Variants in KALRN observed in about 807,000 individuals in gnomAD.
KALRN encodes kalirin.
Under a neutral mutation model 353.7 loss-of-function variants are expected in KALRN, and 70 were observed. The ratio of observed to expected loss-of-function variants is 0.20; its 90% CI spans 0.16 to 0.24. The LOEUF (loss-of-function observed/expected upper bound fraction) is 0.24, where lower values mean the gene tolerates loss of function less well. Ranked by LOEUF, KALRN falls within the 10% of genes least tolerant of loss-of-function variation. The pLI, the probability that KALRN is intolerant of heterozygous loss-of-function variation, is 1.00. For synonymous variants in KALRN, 1,391 were observed against 1,434.8 expected, an observed-to-expected ratio of 0.97 and a Z score of 0.69; for missense variants, 2,791 against 3,756.7, an observed-to-expected ratio of 0.74 and a Z score of 6.72.
chr3:124,351,086 C>T (rs918468398), intron 10 of KALRN, among the ~76,000 whole-genome samples: 4 of 152,058 alleles, frequency 2.6e-5, no homozygotes, highest in East Asian at 3.9e-4. Flanking sequence ...TTCTGTACAA[C>T]GTGATTGCCA....
intron 25 of KALRN, among the ~76,000 whole-genome samples, chr3:124,468,906 T>C (rs187665387): frequency 6.6e-6 from 1 of 152,334 alleles, no homozygotes; most frequent in Admixed American, 6.5e-5. Context: ...CAGTAAGCTA[T>C]CAACATTGGG....
At chr3:124,485,441 T>C (rs2062452942) in intron 28 of KALRN, among the ~76,000 whole-genome samples, 1 of 152,226 alleles carries the variant, frequency 6.6e-6, no homozygotes, top group Non-Finnish European at 1.5e-5. Flanking sequence ...TGTGTTTTGC[T>C]GTGGGCAGTC....
At chr3:124,146,030 C>A (rs781379475) in intron 1 of KALRN, among the ~76,000 whole-genome samples, 2 of 152,186 alleles carry the variant, frequency 1.3e-5, no homozygotes, top group Non-Finnish European at 2.9e-5. Flanking sequence ...AGGAATTGGG[C>A]CCTCATGAGG....
At chr3:124,265,311 T>TTTTTTTTTTTTTTC (rs1485230977) in intron 4 of KALRN, among the ~76,000 whole-genome samples, 1 of 139,690 alleles carries the variant, frequency 7.2e-6, no homozygotes, top group African/African-American at 2.7e-5. Context: ...TTTTTTTTTT[T>TTTTTTTTTTTTTTC]TGAGATAGAG....
At chr3:124,408,716 G>GA (rs34277503) in intron 13 of KALRN, among the ~76,000 whole-genome samples, 29 of 147,730 alleles carry the variant, frequency 2.0e-4, no homozygotes, top group Admixed American at 1.3e-3. Context: ...AGGAAGTGGG[G>GA]AAAAAAAAAA....
chr3:124,237,725 T>A (rs1301353802), intron 3 of KALRN, among the ~76,000 whole-genome samples: 1 of 152,190 alleles, frequency 6.6e-6, no homozygotes, highest in Non-Finnish European at 1.5e-5. Flanking sequence ...ATTTAGAGCT[T>A]CTCTATGCCA....
chr3:124,231,271 G>A (rs1478001606), intron 2 of KALRN, among the ~76,000 whole-genome samples: 1 of 152,234 alleles, frequency 6.6e-6, no homozygotes, highest in Non-Finnish European at 1.5e-5. Flanking sequence ...CAGCTCACGA[G>A]CTCCCCTTGG....
At chr3:124,509,216 A>AT (rs927158998) in intron 33 of KALRN, among the ~76,000 whole-genome samples, 22 of 151,170 alleles carry the variant, frequency 1.5e-4, no homozygotes, top group Middle Eastern at 3.4e-3. Flanking sequence ...TACATTTTGT[A>AT]TTTTTTTTTG....
At chr3:124,243,374 C>T (rs1008564268) in intron 3 of KALRN, among the ~76,000 whole-genome samples, 1 of 152,090 alleles carries the variant, frequency 6.6e-6, no homozygotes, top group East Asian at 1.9e-4. Context: ...ATTTGTGATT[C>T]CCTGGAGAAC....
chr3:124,244,109 A>G (rs1463408109), intron 3 of KALRN, among the ~76,000 whole-genome samples: 3 of 152,256 alleles, frequency 2.0e-5, no homozygotes, highest in African/African-American at 7.2e-5. Flanking sequence ...TTTTTAAATT[A>G]GAAAGATATT....
intron 32 of KALRN, 35 bp from the exon 33 acceptor site, chr3:124,496,276 C>T: frequency 1.3e-6 from 2 of 1,541,216 alleles, no homozygotes; most frequent in Non-Finnish European, 1.8e-6. Context: ...GTTCCCCCCA[C>T]CCCCACCCCT....
At chr3:124,236,200 A>C (rs1280824326) in intron 3 of KALRN, among the ~76,000 whole-genome samples, 1 of 152,164 alleles carries the variant, frequency 6.6e-6, no homozygotes, top group Non-Finnish European at 1.5e-5. Flanking sequence ...AAAAGGTCTT[A>C]AGCTTCAGTA....
At chr3:124,161,742 C>T (rs1401031064) in intron 1 of KALRN, among the ~76,000 whole-genome samples, 1 of 152,180 alleles carries the variant, frequency 6.6e-6, no homozygotes, top group Non-Finnish European at 1.5e-5. Context: ...CACATCAAAG[C>T]CTTATAGGAT....
chr3:124,629,327 C>G (rs1220012791), intron 34 of KALRN, among the ~76,000 whole-genome samples: 2 of 152,138 alleles, frequency 1.3e-5, no homozygotes, highest in Non-Finnish European at 2.9e-5. Context: ...TCCTCCTTCG[C>G]AGGGCTGTGC....
Position 124,054,459 on chromosome 3 carries a change from T to A in KALRN, c.73+20646T>A, listed in dbSNP as rs1020091951. Among the ~76,000 whole-genome samples the A allele has an allele frequency of 7.0e-4, 106 of 151,972 alleles. 1 individual carries two copies. Among genetic ancestry groups the A allele is most frequent in the African/African-American group, 2.3e-3 (97 of 41,470 alleles). On this transcript the variant is annotated intron_variant, in intron 1 of 59. Coordinates refer to ENST00000682506, the MANE Select transcript of KALRN (RefSeq NM_001388419.1). ...ACCCTCCTTCCCTACCTGGCTGCTA[T>A]GCAAACTTCACAGAACTCTGGGGTA...
intron 33 of KALRN, among the ~76,000 whole-genome samples, chr3:124,554,572 CTT>C (rs1156499906): frequency 6.6e-6 from 1 of 152,156 alleles, no homozygotes; most frequent in Non-Finnish European, 1.5e-5. Flanking sequence ...AATATCCTCT[CTT>C]ATCTTTCTGA....
chr3:124,343,512 C>A (rs536991666), intron 9 of KALRN, among the ~76,000 whole-genome samples: 1 of 152,188 alleles, frequency 6.6e-6, no homozygotes, highest in Admixed American at 6.5e-5. Flanking sequence ...ATCCTCCTTG[C>A]AGCCCTTCAG....
At chr3:124,428,042 TTAG>T in intron 15 of KALRN, among the ~76,000 whole-genome samples, 1 of 152,316 alleles carries the variant, frequency 6.6e-6, no homozygotes, top group African/African-American at 2.4e-5. Flanking sequence ...CAGCTCAAAA[TTAG>T]TAGAACCAAC....
At chr3:124,351,581 G>A (rs1253727792) in intron 10 of KALRN, among the ~76,000 whole-genome samples, 1 of 152,184 alleles carries the variant, frequency 6.6e-6, no homozygotes, top group Non-Finnish European at 1.5e-5. Context: ...CAGAGGGAAT[G>A]GCTACCCACG....
Sources: gnomAD v4.1 joint callset for allele counts (sites outside exome capture counted in the v4.1 genomes callset) on GRCh38, gnomAD v4.1.1 for gene constraint, MANE v1.5 for transcripts, NCBI Gene and HGNC (gene_info 2026-07-23, HGNC 2026-07-21) for gene names.